Variants in CNGB3 observed in about 807,000 individuals in gnomAD.
CNGB3 encodes the protein cyclic nucleotide-gated channel beta-3.
In CNGB3, 86 loss-of-function variants were observed where a neutral mutation model predicts 92.8. The ratio of observed to expected loss-of-function variants is 0.93; its 90% CI spans 0.78 to 1.11. The LOEUF (loss-of-function observed/expected upper bound fraction) is 1.11. Among genes scored for constraint, CNGB3 ranks in the 50% least tolerant of loss-of-function variants. The pLI is 0.00. For missense variants in CNGB3, 1,026 were observed against 956.8 expected, an observed-to-expected ratio of 1.07 and a Z score of -0.95; for synonymous variants, 333 against 332.7, an observed-to-expected ratio of 1.00 and a Z score of -0.01.
chr8:86,729,212 A>T (rs1337764790), intron 2 of CNGB3, among the ~76,000 whole-genome samples: 2 of 152,260 alleles, frequency 1.3e-5, no homozygotes, highest in African/African-American at 2.4e-5. Flanking sequence ...GCTATTTCTT[A>T]TAAAGCCACA....
At chr8:86,682,837 C>T (rs1003747231) in intron 3 of CNGB3, among the ~76,000 whole-genome samples, 4 of 152,078 alleles carry the variant, frequency 2.6e-5, no homozygotes, top group African/African-American at 9.7e-5. Context: ...TGCCAATAAA[C>T]AGAAATGTGG....
At chr8:86,713,156 G>A (rs1346438008) in intron 3 of CNGB3, among the ~76,000 whole-genome samples, 1 of 152,062 alleles carries the variant, frequency 6.6e-6, no homozygotes, top group Non-Finnish European at 1.5e-5. Context: ...TATAGGAGAT[G>A]TTTTCTAAAT....
In CNGB3 at chr8:86,743,552, G is replaced by C. The variant is rs752014086; in HGVS notation, c.76C>G (p.Arg26Gly). The C allele has an allele frequency of 4.3e-6, 7 of 1,613,930 alleles. No homozygotes were observed. The highest frequency in any genetic ancestry group is 5.9e-6 in the Non-Finnish European group (7 of 1,179,870). Residue 26 changes from arginine to glycine, a missense_variant, in exon 1 of 18, where the codon CGG becomes GGG. Transcript: ENST00000320005. ...ENNENEQSSR[R>G]NEEGSHPSNQ... ...CTTGGGTGAGAGCCTTCTTCATTCCGACGAGAACTTTGTTCATTCTCATTG... is the reference window on the plus strand; with the variant it reads ...CTTGGGTGAGAGCCTTCTTCATTCCCACGAGAACTTTGTTCATTCTCATTG...
chr8:86,607,696 A>G (rs924694240), intron 14 of CNGB3, among the ~76,000 whole-genome samples: 34 of 152,200 alleles, frequency 2.2e-4, no homozygotes, highest in African/African-American at 8.2e-4. Context: ...CTGCCCTGCC[A>G]TAGAGCATCT....
chr8:86,708,551 T>G (rs560060221), intron 3 of CNGB3, among the ~76,000 whole-genome samples: 1 of 146,506 alleles, frequency 6.8e-6, no homozygotes, highest in South Asian at 2.2e-4. Flanking sequence ...TTTCTTTTCT[T>G]TTCTTTTCTT....
chr8:86,635,530 T>C (rs1823044805), intron 10 of CNGB3, among the ~76,000 whole-genome samples: 1 of 152,040 alleles, frequency 6.6e-6, no homozygotes, highest in South Asian at 2.1e-4. Context: ...TTATATTAAA[T>C]AGTCTGCTAT....
chr8:86,636,056 C>T (rs6998905), intron 10 of CNGB3, among the ~76,000 whole-genome samples: 48,036 of 151,120 alleles, frequency 0.32, 7,778 homozygotes, highest in African/African-American at 0.37. Context: ...TGAACACTCA[C>T]ATGCCCACTG....
chr8:86,625,912 G>A (rs542694231), intron 13 of CNGB3, 71 bp downstream of exon 13: 63 of 1,242,538 alleles, frequency 5.1e-5, no homozygotes, highest in Middle Eastern at 1.9e-4. Context: ...ACTCATAAAT[G>A]CTGTATAAAT....
intron 6 of CNGB3, among the ~76,000 whole-genome samples, chr8:86,662,177 A>T (rs1327367242): frequency 1.3e-5 from 2 of 152,388 alleles, no homozygotes; most frequent in African/African-American, 4.8e-5. Flanking sequence ...CTTCTGATAA[A>T]CAATTCACAG....
At chr8:86,705,394 C>T (rs533508015) in intron 3 of CNGB3, among the ~76,000 whole-genome samples, 1 of 152,168 alleles carries the variant, frequency 6.6e-6, no homozygotes, top group Non-Finnish European at 1.5e-5. Flanking sequence ...TGGCAGACGA[C>T]CTGCCCCCGC....
intron 6 of CNGB3, chr8:86,658,167 C>T (rs1823553392): frequency 1.9e-6 from 1 of 539,480 alleles, no homozygotes; most frequent in Non-Finnish European, 3.4e-6. Flanking sequence ...GGACTGAGGC[C>T]ACCAGGTGAG....
chr8:86,622,994 TAATGCTGGGAGTG>T (rs1822771252), intron 13 of CNGB3, among the ~76,000 whole-genome samples: 1 of 152,194 alleles, frequency 6.6e-6, no homozygotes, highest in Non-Finnish European at 1.5e-5. Flanking sequence ...TGGGTTAACC[TAATGCTGGGAGTG>T]ACTATGCCTA....
chr8:86,576,443 G>C (rs1352136279), intron 17 of CNGB3, among the ~76,000 whole-genome samples: 1 of 151,988 alleles, frequency 6.6e-6, no homozygotes, highest in African/African-American at 2.4e-5. Context: ...CTCTGTTTTT[G>C]CTTTTTAAAT....
chr8:86,712,532 C>T (rs1422805277), intron 3 of CNGB3, among the ~76,000 whole-genome samples: 2 of 152,026 alleles, frequency 1.3e-5, no homozygotes, highest in Non-Finnish European at 2.9e-5. Flanking sequence ...TCCAGCACTA[C>T]TTACTTAAAT....
chr8:86,584,298 T>G (rs1002946658), intron 15 of CNGB3, among the ~76,000 whole-genome samples: 1 of 152,188 alleles, frequency 6.6e-6, no homozygotes, highest in Non-Finnish European at 1.5e-5. Flanking sequence ...CCTGTTGTCA[T>G]GGACACAGGG....
chr8:86,683,325 A>G (rs939879556), intron 3 of CNGB3, among the ~76,000 whole-genome samples: 1 of 152,146 alleles, frequency 6.6e-6, no homozygotes, highest in Non-Finnish European at 1.5e-5. Context: ...TGAATGCACT[A>G]AAGAGCCAAA....
intron 13 of CNGB3, 96 bp from the exon 14 acceptor site, chr8:86,611,767 G>T: frequency 1.1e-6 from 1 of 899,534 alleles, no homozygotes; most frequent in South Asian, 1.5e-5. Context: ...AATATATATT[G>T]TCTGCATTAG....
chr8:86,581,741 C>A (rs1018641787), intron 15 of CNGB3, among the ~76,000 whole-genome samples: 9 of 152,222 alleles, frequency 5.9e-5, no homozygotes, highest in Admixed American at 5.9e-4. Context: ...CCTTACCCCC[C>A]CACCAAGTCT....
chr8:86,740,729 A>G (rs2131684874), intron 1 of CNGB3, among the ~76,000 whole-genome samples: 1 of 152,244 alleles, frequency 6.6e-6, no homozygotes, highest in African/African-American at 2.4e-5. Flanking sequence ...TAATTGGCTG[A>G]TTTTCACTTA....
Sources: gnomAD v4.1 joint callset for allele counts (sites outside exome capture counted in the v4.1 genomes callset) on GRCh38, gnomAD v4.1.1 for gene constraint, MANE v1.5 for transcripts, NCBI Gene and HGNC (gene_info 2026-07-23, HGNC 2026-07-21) for gene names.